The following U2SURP variants were observed in gnomAD, a reference collection of about 807,000 sequenced individuals.
The protein encoded by U2SURP is U2 snRNP-associated SURP motif-containing protein.
In U2SURP, 9 loss-of-function variants were observed where a neutral mutation model predicts 144.9. The ratio of observed to expected loss-of-function variants is 0.06; its 90% CI spans 0.04 to 0.11. The LOEUF is 0.11. Ranked by LOEUF, U2SURP falls within the 10% of genes least tolerant of loss-of-function variation. U2SURP has a pLI of 1.00. For synonymous variants in U2SURP, 408 were observed against 396.8 expected, an observed-to-expected ratio of 1.03 and a Z score of -0.33; for missense variants, 724 against 1,226.7, an observed-to-expected ratio of 0.59 and a Z score of 6.12.
intron 13 of U2SURP, 65 bp downstream of exon 13, chr3:143,024,083 G>GA (rs1483692869): frequency 4.1e-6 from 6 of 1,453,918 alleles, no homozygotes; most frequent in Non-Finnish European, 5.8e-6. Flanking sequence ...AATTTAAAAA[G>GA]AAATGGTGTT....
chr3:143,009,009 G>A (rs1363167080), intron 1 of U2SURP, among the ~76,000 whole-genome samples: 2 of 152,116 alleles, frequency 1.3e-5, no homozygotes, highest in African/African-American at 2.4e-5. Flanking sequence ...CAAAGTGCTC[G>A]GATTACAGGC....
rs62276900 is a variant in U2SURP at position 143,007,368 on chromosome 3, C to T, written c.46-3447C>T. ...GAACTCCTGGCCTCGAGCAGTCGTC[C>T]CACCTCAGCCTCCCTAGTAGCTGAG... is the stretch of plus-strand genomic sequence containing the variant. On this transcript the variant is annotated intron_variant, in intron 1 of 27. Transcript: ENST00000473835. Among the ~76,000 whole-genome samples the T allele has an allele frequency of 3.2e-3, 481 of 151,834 alleles. 6 individuals are homozygous for T. The highest frequency in any genetic ancestry group is 4.2e-3 in the Non-Finnish European group (286 of 67,938).
chr3:143,030,706 AAGTC>A (rs1183525338), intron 16 of U2SURP, among the ~76,000 whole-genome samples: 4 of 152,128 alleles, frequency 2.6e-5, no homozygotes, highest in African/African-American at 7.2e-5. Flanking sequence ...GTCTGGGAAA[AAGTC>A]AGAAACCTTG....
intron 25 of U2SURP, 144 bp from the exon 26 acceptor site, chr3:143,053,532 T>C: frequency 2.0e-6 from 1 of 507,390 alleles, no homozygotes; most frequent in Non-Finnish European, 3.1e-6. Flanking sequence ...CCTGAAGGGG[T>C]AGATTTTTTT....
In U2SURP at chr3:143,060,056, T is replaced by C. The variant is rs899820434; in HGVS notation, c.*3606T>C. The C allele has an allele frequency of 6.6e-6, 1 of 152,428 alleles. No individual in the cohort carries two copies. Among genetic ancestry groups the C allele is most frequent in the African/African-American group, 2.4e-5 (1 of 41,420 alleles). 9.4% of individuals were successfully genotyped at this position (152,428 alleles called of 1,614,324 possible). ...TGCTGTTCCGTGAGCCTTGTTCCAT[T>C]GTTGAAAATTTGATGCCTCAGTGTT... On this transcript the variant is annotated 3_prime_UTR_variant, in exon 28 of 28. Transcript: ENST00000473835.
At chr3:143,045,970 C>T (rs1358383367) in intron 24 of U2SURP, among the ~76,000 whole-genome samples, 1 of 152,190 alleles carries the variant, frequency 6.6e-6, no homozygotes, top group African/African-American at 2.4e-5. Flanking sequence ...CTCTTCTCTG[C>T]CCCTAAATTT....
chr3:143,044,315 G>A (rs893933734), intron 24 of U2SURP, among the ~76,000 whole-genome samples: 2 of 21,188 alleles, frequency 9.4e-5, no homozygotes, highest in African/African-American at 6.1e-4. Flanking sequence ...TTGAGACGGG[G>A]TTTCTTTCTG....
chr3:143,050,071 C>T (rs2108316227), intron 24 of U2SURP, among the ~76,000 whole-genome samples: 1 of 151,804 alleles, frequency 6.6e-6, no homozygotes, highest in Non-Finnish European at 1.5e-5. Flanking sequence ...TTTTTCTGGT[C>T]TGGTTTTTTT....
At chr3:143,012,071 G>T in intron 2 of U2SURP, 151 bp from the exon 3 acceptor site, 1 of 1,012,466 alleles carries the variant, frequency 9.9e-7, no homozygotes, top group Non-Finnish European at 1.5e-6. Flanking sequence ...GAACTTTTTT[G>T]GTGAAATCAA....
At chr3:143,052,665 G>C (rs1221215336) in intron 25 of U2SURP, among the ~76,000 whole-genome samples, 1 of 152,212 alleles carries the variant, frequency 6.6e-6, no homozygotes, top group Non-Finnish European at 1.5e-5. Context: ...GGCAGAGACT[G>C]TATGTGGCCC....
rs370500835 is a variant in U2SURP at position 143,022,932 on chromosome 3, G to A, written c.1098G>A (p.Pro366=). 4.0e-5 allele frequency: 65 copies of A among 1,612,628 alleles called. No individual in the cohort carries two copies. The highest frequency in any genetic ancestry group is 5.0e-5 in the Non-Finnish European group (59 of 1,179,414). Residue 366 remains proline, a synonymous_variant, in exon 12 of 28, where the codon CCG becomes CCA. Coordinates refer to ENST00000473835, the MANE Select transcript of U2SURP (RefSeq NM_001080415.2). ...VPIPPHPIYI[P]PSMMEHTLPP... ...TTCCTCCACATCCAATATACATTCCGCCTTCTATGATGGAACATACGCTTC... is the reference window on the plus strand; with the variant it reads ...TTCCTCCACATCCAATATACATTCCACCTTCTATGATGGAACATACGCTTC...
chr3:143,038,234 AT>A, intron 22 of U2SURP, 31 bp downstream of exon 22: 1 of 1,482,418 alleles, frequency 6.7e-7, no homozygotes, highest in Non-Finnish European at 9.1e-7. Context: ...TATTTTTTAA[AT>A]TAAGTACTTG....
At chr3:143,006,624 A>C (rs1935847415) in intron 1 of U2SURP, among the ~76,000 whole-genome samples, 1 of 151,954 alleles carries the variant, frequency 6.6e-6, no homozygotes, top group Admixed American at 6.5e-5. Flanking sequence ...GCATGGTGGC[A>C]CATGCTACTC....
chr3:143,022,528 G>A lies in U2SURP; in HGVS notation c.884G>A (p.Gly295Glu). The A allele has an allele frequency of 6.3e-7, 1 of 1,582,690 alleles. No individual in the cohort carries two copies. Among genetic ancestry groups the A allele is most frequent in the Non-Finnish European group, 8.6e-7 (1 of 1,164,690 alleles). The change falls in exon 11 of 28, where the codon GGA becomes GAA. Residue 295 changes from glycine (G) to glutamate (E), a missense_variant. Gly to Glu is a moderately conservative substitution (Grantham distance 98). Transcript: ENST00000473835. The stretch of plus-strand genomic sequence containing the variant: ...GAAGAAATGCTGTGCCAAGAATTTG[G>A]AAGATTTGGACCGTTAGCCAGTGTG... ...MNEEMLCQEF[G>E]RFGPLASVKI...
chr3:143,001,803 C>A, intron 1 of U2SURP, 130 bp downstream of exon 1: 1 of 1,208,006 alleles, frequency 8.3e-7, no homozygotes, highest in Non-Finnish European at 1.2e-6. Context: ...GGCCCGGGCG[C>A]CGCCGCACCG....
intron 6 of U2SURP, among the ~76,000 whole-genome samples, chr3:143,017,955 C>T (rs1208161665): frequency 4.0e-5 from 6 of 150,888 alleles, no homozygotes; most frequent in Admixed American, 4.0e-4. Context: ...GGTGCAGTGG[C>T]TTATGCCTGT....
At position 143,020,010 on chromosome 3, in the gene U2SURP, G is replaced by T; in HGVS notation, c.612G>T (p.Leu204Phe). The T allele has an allele frequency of 6.6e-7, 1 of 1,519,676 alleles. No homozygotes were observed. Among genetic ancestry groups the T allele is most frequent in the South Asian group, 1.3e-5 (1 of 79,838 alleles). 94.1% of individuals were successfully genotyped at this position (1,519,676 alleles called of 1,614,324 possible). A position where few individuals can be genotyped will look rare whatever the true frequency, so the allele number is the denominator to read the frequency against. Residue 204 changes from leucine to phenylalanine, a missense_variant, in exon 7 of 28, where the codon TTG becomes TTT. Coordinates refer to ENST00000473835, the MANE Select transcript of U2SURP (RefSeq NM_001080415.2). Reference protein sequence around the residue: ...KGEKEKKKSNLELFKEELKQI... With the variant: ...KGEKEKKKSNFELFKEELKQI... ...AGAAAGAAAAGAAAAAAAGCAATTTGGAACTCTTCAAAGAAGAATTAAAGC... is the reference window on the plus strand; with the variant it reads ...AGAAAGAAAAGAAAAAAAGCAATTTTGAACTCTTCAAAGAAGAATTAAAGC...
rs1029352412 is a variant in U2SURP at position 143,057,623 on chromosome 3, T to A, written c.*1173T>A. 1 of 151,948 alleles carries A rather than the reference T, an allele frequency of 6.6e-6. No homozygotes were observed. 9.4% of individuals were successfully genotyped at this position (151,948 alleles called of 1,614,324 possible). On this transcript the variant is annotated 3_prime_UTR_variant, in exon 28 of 28. Coordinates refer to ENST00000473835, the MANE Select transcript of U2SURP (RefSeq NM_001080415.2). ...GTTGGTCATAATACTGCTATAAATA[T>A]AATAAAGGGTTATGTAGAATTGAAC...
Position 143,016,277 on chromosome 3 carries a change from T to C in U2SURP, c.342T>C (p.Ala114=). 1 of 1,612,462 alleles carries C rather than the reference T, an allele frequency of 6.2e-7. No homozygotes were observed. The highest frequency in any genetic ancestry group is 8.5e-7 in the Non-Finnish European group (1 of 1,178,624). ...LKKKEDEKAA[A]EIYEEFLAAF... ...TTTAGGAGGATGAAAAGGCAGCTGC[T>C]GAGATTTATGAGGAGTTTCTTGCTG... The change falls in exon 5 of 28, where the codon GCT becomes GCC. Residue 114 remains alanine, a synonymous_variant. Transcript: ENST00000473835.
Sources: gnomAD v4.1 joint callset for allele counts (sites outside exome capture counted in the v4.1 genomes callset) on GRCh38, gnomAD v4.1.1 for gene constraint, MANE v1.5 for transcripts, NCBI Gene and HGNC (gene_info 2026-07-23, HGNC 2026-07-21) for gene names.